Variants in CUBN observed in about 807,000 individuals in gnomAD.
CUBN encodes the protein 460 kDa receptor.
Under a neutral mutation model 405.3 loss-of-function variants are expected in CUBN, and 282 were observed. The observed-to-expected ratio is 0.70, with a 90% CI of 0.63 to 0.77. CUBN has a LOEUF of 0.77. CUBN is among the 30% of genes least tolerant of loss of function. The pLI is 0.00. For missense variants in CUBN, 4,514 were observed against 4,475.2 expected (o/e 1.01, Z -0.25); for synonymous variants, 1,684 against 1,617.0 (o/e 1.04, Z -0.99).
rs1836173734 is a variant in CUBN at position 17,088,325 on chromosome 10, C to T, written c.1786G>A (p.Gly596Ser). ...QQPECGGILT[G>S]PYGSIKSPGY... ...GGAGACTTAATAGAACCGTAAGGAC[C>T]AGTCAGGATACCTCCACACTCTAAA... The change falls in exon 15 of 67, where the codon GGT (glycine) becomes AGT (serine). Residue 596 changes from glycine (G) to serine (S), a missense_variant. By Grantham distance (56) the Gly-to-Ser change is moderately conservative. Around this residue, in one of 5 missense-constraint regions of CUBN, gnomAD observed 1,448 missense variants for 1,388.0 expected, o/e 1.04. Transcript: ENST00000377833. 6.2e-7 allele frequency: 1 copy of T among 1,611,858 alleles called. No individual in the cohort carries two copies. Among genetic ancestry groups the T allele is most frequent in the Non-Finnish European group, 8.5e-7 (1 of 1,178,236 alleles).
At chr10:16,877,188 C>T in intron 56 of CUBN, 91 bp from the exon 57 acceptor site, 2 of 1,025,864 alleles carry the variant, frequency 1.9e-6, no homozygotes, top group South Asian at 2.7e-5. Flanking sequence ...GATGATGACT[C>T]ATGCAATTGC....
intron 60 of CUBN, 60 bp from the exon 61 acceptor site, chr10:16,841,107 C>A: frequency 2.0e-6 from 3 of 1,501,182 alleles, no homozygotes; most frequent in Non-Finnish European, 1.8e-6. Flanking sequence ...ATATTTCACA[C>A]TAAATTGGAC....
chr10:16,850,574 C>T (rs944551536), intron 60 of CUBN, among the ~76,000 whole-genome samples: 2 of 152,092 alleles, frequency 1.3e-5, no homozygotes, highest in Admixed American at 6.5e-5. Context: ...CGGGTTCAAG[C>T]GATTCTCCTG....
At chr10:16,839,124 C>T (rs556965383) in intron 62 of CUBN, among the ~76,000 whole-genome samples, 2 of 152,186 alleles carry the variant, frequency 1.3e-5, no homozygotes, top group Admixed American at 1.3e-4. Context: ...GTACTGGCAC[C>T]AAAACACCAG....
At chr10:16,832,109 A>C (rs1184702506) in intron 64 of CUBN, among the ~76,000 whole-genome samples, 1 of 150,666 alleles carries the variant, frequency 6.6e-6, no homozygotes, top group Non-Finnish European at 1.5e-5. Flanking sequence ...TTATGGGGAG[A>C]GAGAACTACA....
chr10:16,939,917 A>G, intron 37 of CUBN, 115 bp downstream of exon 37: 2 of 948,410 alleles, frequency 2.1e-6, no homozygotes, highest in African/African-American at 3.2e-5. Flanking sequence ...AAGACAATGT[A>G]GGAAAATAGT....
chr10:16,885,880 T>G lies in CUBN; in HGVS notation c.8905+2537A>C, dbSNP rs1454131602. ...CTGCTATTAAAATAATTGTCCTAAT[T>G]ATAAAAATAACATAAAAGCTATAAA... On this transcript the variant is annotated intron_variant, in intron 56 of 66. Transcript: ENST00000377833. Among the ~76,000 whole-genome samples the G allele has an allele frequency of 7.2e-5, 11 of 152,298 alleles. No individual in the cohort carries two copies. In the East Asian group the frequency reaches 2.1e-3, roughly 29 times the overall value.
chr10:16,934,989 T>A (rs1374484509), intron 39 of CUBN, among the ~76,000 whole-genome samples: 1 of 152,204 alleles, frequency 6.6e-6, no homozygotes. Context: ...CTTTTCCTAC[T>A]TGACACATTG....
chr10:16,955,537 T>A (rs1843037098), intron 31 of CUBN, among the ~76,000 whole-genome samples: 1 of 152,140 alleles, frequency 6.6e-6, no homozygotes, highest in Non-Finnish European at 1.5e-5. Context: ...TCTGTATTGA[T>A]TTGTAAAATT....
At chr10:17,007,332 GCATAAAAGGC>G (rs1834054798) in intron 28 of CUBN, among the ~76,000 whole-genome samples, 1 of 151,956 alleles carries the variant, frequency 6.6e-6, no homozygotes, top group East Asian at 1.9e-4. Flanking sequence ...TTGAGGACCC[GCATAAAAGGC>G]CCTGCAATGT....
intron 27 of CUBN, among the ~76,000 whole-genome samples, chr10:17,027,027 G>A (rs1179703519): frequency 2.0e-5 from 3 of 152,234 alleles, no homozygotes; most frequent in Admixed American, 1.3e-4. Flanking sequence ...GTCACCCTGA[G>A]TTACAGGTCT....
intron 27 of CUBN, among the ~76,000 whole-genome samples, chr10:17,034,775 T>C (rs1248183904): frequency 6.6e-6 from 1 of 152,182 alleles, no homozygotes; most frequent in Admixed American, 6.5e-5. Context: ...AAAAGAGATC[T>C]ACAGGAGTGG....
chr10:16,910,131 ACTT>A (rs1841683333), intron 48 of CUBN, among the ~76,000 whole-genome samples: 1 of 116,078 alleles, frequency 8.6e-6, no homozygotes, highest in East Asian at 2.4e-4. Flanking sequence ...TCCTTCTTCT[ACTT>A]CTTTTCTTCT....
At chr10:17,006,504 G>T (rs943578242) in intron 28 of CUBN, among the ~76,000 whole-genome samples, 1 of 151,990 alleles carries the variant, frequency 6.6e-6, no homozygotes. Flanking sequence ...AGTCACAAAA[G>T]GAATAAAATT....
intron 57 of CUBN, among the ~76,000 whole-genome samples, chr10:16,876,426 C>T (rs1840502931): frequency 1.3e-5 from 2 of 152,196 alleles, no homozygotes; most frequent in South Asian, 4.1e-4. Context: ...CAATCTTTTC[C>T]ATTAGGGCTT....
At chr10:17,071,656 C>G (rs1057475162) in intron 18 of CUBN, 52 bp from the exon 19 acceptor site, 2 of 1,573,696 alleles carry the variant, frequency 1.3e-6, no homozygotes, top group African/African-American at 1.4e-5. Flanking sequence ...ATAATTTTAT[C>G]TCAATTTTAT....
chr10:16,910,428 G>A (rs1841695891), intron 48 of CUBN, among the ~76,000 whole-genome samples: 1 of 152,174 alleles, frequency 6.6e-6, no homozygotes, highest in Admixed American at 6.5e-5. Context: ...AAAGGAATGT[G>A]GACATTAGAA....
At chr10:17,079,698 T>G (rs7075040) in intron 17 of CUBN, among the ~76,000 whole-genome samples, 54,072 of 152,026 alleles carry the variant, frequency 0.36, 11,555 homozygotes, top group East Asian at 0.56. Flanking sequence ...GCCTTATTCT[T>G]TTTCTGACAT....
chr10:16,889,755 A>T (rs1349906937), intron 55 of CUBN, among the ~76,000 whole-genome samples: 1 of 151,464 alleles, frequency 6.6e-6, no homozygotes, highest in South Asian at 2.1e-4. Context: ...AAAAAAAATT[A>T]GCTGGGCATG....
Sources: gnomAD v4.1 joint callset for allele counts (sites outside exome capture counted in the v4.1 genomes callset) on GRCh38, gnomAD v4.1.1 for gene constraint, gnomAD v4.1.1 regional missense constraint, MANE v1.5 for transcripts, NCBI Gene and HGNC (gene_info 2026-07-23, HGNC 2026-07-21) for gene names.